The following ANKRD12 variants were observed in gnomAD, a reference collection of about 807,000 sequenced individuals.
The protein encoded by ANKRD12 is ankyrin repeat domain 12, also known as ankyrin repeat domain-containing protein 12.
Under a neutral mutation model 183.4 loss-of-function variants are expected in ANKRD12, and 85 were observed. That is an observed-to-expected ratio of 0.46 (90% CI 0.39 to 0.56). The LOEUF is 0.56. Ranked by LOEUF, ANKRD12 falls within the 20% of genes least tolerant of loss-of-function variation. The pLI is 0.00. For missense variants in ANKRD12, 2,405 were observed against 2,357.1 expected, an observed-to-expected ratio of 1.02 and a Z score of -0.42; for synonymous variants, 914 against 800.2, an observed-to-expected ratio of 1.14 and a Z score of -2.40.
intron 10 of ANKRD12, among the ~76,000 whole-genome samples, chr18:9,269,445 G>C (rs996487267): frequency 6.6e-6 from 1 of 152,164 alleles, no homozygotes; most frequent in Non-Finnish European, 1.5e-5. Flanking sequence ...GAACAGAACA[G>C]AGCCCTCAGA....
chr18:9,279,255 C>T (rs192367651), intron 11 of ANKRD12, among the ~76,000 whole-genome samples: 5 of 152,104 alleles, frequency 3.3e-5, no homozygotes, highest in African/African-American at 7.2e-5. Flanking sequence ...AATAATGTCA[C>T]GGGCACAGTA....
At chr18:9,234,279 G>T (rs774900032) in intron 8 of ANKRD12, among the ~76,000 whole-genome samples, 1 of 152,138 alleles carries the variant, frequency 6.6e-6, no homozygotes, top group Non-Finnish European at 1.5e-5. Context: ...TGTTTGGAGC[G>T]GCAGAAGGGA....
chr18:9,265,019 C>G (rs191440264), intron 10 of ANKRD12, among the ~76,000 whole-genome samples: 4 of 152,264 alleles, frequency 2.6e-5, no homozygotes, highest in Non-Finnish European at 4.4e-5. Flanking sequence ...CACGGAGCCT[C>G]GCTCATTGCT....
chr18:9,155,499 G>C (rs930022081), intron 1 of ANKRD12, among the ~76,000 whole-genome samples: 2 of 152,202 alleles, frequency 1.3e-5, no homozygotes, highest in Admixed American at 1.3e-4. Flanking sequence ...AGAATTACTA[G>C]AAGAGAAGAC....
chr18:9,169,245 G>C (rs906147051), intron 1 of ANKRD12, among the ~76,000 whole-genome samples: 9 of 152,182 alleles, frequency 5.9e-5, no homozygotes, highest in African/African-American at 2.2e-4. Flanking sequence ...TTGGTGCAGA[G>C]CTGAGTTCAG....
At chr18:9,142,986 G>T (rs2078370451) in intron 1 of ANKRD12, among the ~76,000 whole-genome samples, 1 of 152,164 alleles carries the variant, frequency 6.6e-6, no homozygotes, top group African/African-American at 2.4e-5. Context: ...CAAGAATATT[G>T]TAACTAGGAA....
In ANKRD12 at chr18:9,137,142, C is replaced by T. The variant is rs1342238260; in HGVS notation, c.-52+177C>T. On this transcript the variant is annotated intron_variant, in intron 1 of 12. Transcript: ENST00000262126. ...GCCCCCCCCGGTCCCGACGCGCCGC[C>T]CGCCCAGCCTGGCCCGAGCCGTAGC... 5 of 151,972 alleles carry T rather than the reference C, an allele frequency of 3.3e-5. No individual in the cohort carries two copies. In the East Asian group the frequency reaches 7.8e-4, roughly 24 times the overall value. The allele number at this position is 151,972 out of a possible 1,614,324, so 9.4% of individuals were successfully genotyped here. A position where few individuals can be genotyped will look rare whatever the true frequency, so the allele number is the denominator to read the frequency against.
At chr18:9,138,960 A>G (rs2078223458) in intron 1 of ANKRD12, among the ~76,000 whole-genome samples, 1 of 152,212 alleles carries the variant, frequency 6.6e-6, no homozygotes, top group Admixed American at 6.5e-5. Context: ...GTTAAAATGG[A>G]AGGAAAATGA....
intron 10 of ANKRD12, among the ~76,000 whole-genome samples, chr18:9,269,965 C>T (rs1370944750): frequency 6.6e-6 from 1 of 152,202 alleles, no homozygotes; most frequent in African/African-American, 2.4e-5. Context: ...TATGAACAGA[C>T]ACTTCTCAAA....
intron 8 of ANKRD12, among the ~76,000 whole-genome samples, chr18:9,224,167 T>A (rs1425627111): frequency 1.3e-5 from 2 of 151,862 alleles, no homozygotes; most frequent in African/African-American, 2.4e-5. Context: ...CACTGATGAG[T>A]AAGAAAATGG....
intron 7 of ANKRD12, among the ~76,000 whole-genome samples, chr18:9,220,137 T>C (rs1167809282): frequency 6.6e-6 from 1 of 152,240 alleles, no homozygotes; most frequent in Non-Finnish European, 1.5e-5. Flanking sequence ...TGAATCATTC[T>C]TAAATAATTT....
At chr18:9,267,023 C>G (rs557144616) in intron 10 of ANKRD12, among the ~76,000 whole-genome samples, 17 of 152,064 alleles carry the variant, frequency 1.1e-4, no homozygotes, top group Middle Eastern at 3.4e-3. Flanking sequence ...ACAAAGAAGG[C>G]CATTACATAA....
chr18:9,189,148 T>TA (rs1476869158), intron 2 of ANKRD12, among the ~76,000 whole-genome samples: 1 of 152,140 alleles, frequency 6.6e-6, no homozygotes, highest in African/African-American at 2.4e-5. Flanking sequence ...AAAACAGTCT[T>TA]ATTGCTGATA....
chr18:9,157,585 G>GTGTGTGTGTGTGTATA (rs1472659778), intron 1 of ANKRD12, among the ~76,000 whole-genome samples: 149 of 92,664 alleles, frequency 1.6e-3, no homozygotes, highest in African/African-American at 7.4e-3. Context: ...GTGTGTGTGT[G>GTGTGTGTGTGTGTATA]TATATATATA....
intron 9 of ANKRD12, 95 bp downstream of exon 9, chr18:9,259,026 G>A: frequency 7.4e-7 from 1 of 1,357,560 alleles, no homozygotes; most frequent in East Asian, 2.4e-5. Flanking sequence ...CTAGTAGATA[G>A]ATAATTTCAG....
intron 2 of ANKRD12, among the ~76,000 whole-genome samples, chr18:9,192,325 T>C (rs768549058): frequency 3.9e-5 from 6 of 152,218 alleles, no homozygotes; most frequent in Non-Finnish European, 8.8e-5. Flanking sequence ...AGGGTTTTCT[T>C]TAATCTTTTG....
At chr18:9,156,641 G>A (rs774211109) in intron 1 of ANKRD12, among the ~76,000 whole-genome samples, 25 of 152,138 alleles carry the variant, frequency 1.6e-4, no homozygotes, top group Admixed American at 7.9e-4. Flanking sequence ...AAAACTACAG[G>A]CATCAAAAAT....
At chr18:9,147,533 A>G (rs1232347049) in intron 1 of ANKRD12, among the ~76,000 whole-genome samples, 1 of 152,198 alleles carries the variant, frequency 6.6e-6, no homozygotes, top group African/African-American at 2.4e-5. Flanking sequence ...CTCTAGACCT[A>G]TTTAAATCCT....
At chr18:9,205,448 G>C (rs2035433763) in intron 4 of ANKRD12, among the ~76,000 whole-genome samples, 1 of 151,868 alleles carries the variant, frequency 6.6e-6, no homozygotes. Flanking sequence ...GTTGGGTTAG[G>C]GGCAGTGGAA....
Sources: gnomAD v4.1 joint callset for allele counts (sites outside exome capture counted in the v4.1 genomes callset) on GRCh38, gnomAD v4.1.1 for gene constraint, MANE v1.5 for transcripts, NCBI Gene and HGNC (gene_info 2026-07-23, HGNC 2026-07-21) for gene names.